Variants in THRB observed in about 807,000 individuals in gnomAD.
The protein encoded by THRB is thyroid hormone receptor beta, also known as nuclear receptor subfamily 1 group A member 2.
In THRB, 12 loss-of-function variants were observed where a neutral mutation model predicts 47.8. That is an observed-to-expected ratio of 0.25 (90% CI 0.16 to 0.41). The LOEUF is 0.41. THRB is among the 10% of genes least tolerant of loss of function. The pLI is 1.00. For missense variants in THRB, 348 were observed against 589.2 expected (o/e 0.59, Z 4.24); for synonymous variants, 218 against 212.2 (o/e 1.03, Z -0.24).
chr3:24,363,348 T>A (rs1472754471), intron 1 of THRB, among the ~76,000 whole-genome samples: 2 of 152,182 alleles, frequency 1.3e-5, no homozygotes, highest in African/African-American at 4.8e-5. Context: ...CTGTTTTTAA[T>A]GTTTCAAATA....
At chr3:24,163,826 T>G (rs955371085) in intron 5 of THRB, among the ~76,000 whole-genome samples, 1 of 152,118 alleles carries the variant, frequency 6.6e-6, no homozygotes, top group Non-Finnish European at 1.5e-5. Flanking sequence ...TAGAATAACA[T>G]TATATATAGT....
chr3:24,164,008 C>G (rs545564783), intron 5 of THRB, among the ~76,000 whole-genome samples: 1 of 152,062 alleles, frequency 6.6e-6, no homozygotes, highest in South Asian at 2.1e-4. Context: ...AGAAATTTAC[C>G]TTTGAGGATC....
intron 4 of THRB, among the ~76,000 whole-genome samples, chr3:24,214,503 G>A (rs1051754417): frequency 2.6e-5 from 4 of 151,772 alleles, no homozygotes; most frequent in Non-Finnish European, 5.9e-5. Flanking sequence ...TAAAAGCTGA[G>A]AGACAAGAAG....
At chr3:24,445,026 A>G (rs2071929964) in intron 1 of THRB, among the ~76,000 whole-genome samples, 1 of 152,170 alleles carries the variant, frequency 6.6e-6, no homozygotes, top group South Asian at 2.1e-4. Flanking sequence ...TACAAATTAT[A>G]ATGGGATATA....
intron 1 of THRB, among the ~76,000 whole-genome samples, chr3:24,371,173 G>A (rs2064877290): frequency 6.6e-6 from 1 of 151,986 alleles, no homozygotes; most frequent in Non-Finnish European, 1.5e-5. Flanking sequence ...ATCTACATTA[G>A]GCAGACATCC....
rs139637993 is a variant in THRB at position 24,451,483 on chromosome 3, C to T, written c.-261+43169G>A. 1.2e-4 allele frequency among the ~76,000 whole-genome samples: 18 copies of T among 152,282 alleles called. No individual in the cohort carries two copies. In the South Asian group the frequency reaches 1.9e-3, roughly 16 times the overall value. ...CATTCCTGACCTCGTGATCCACCCG[C>T]CTCAGCCTCCCAAAGTTCTGGGATT... is the stretch of plus-strand genomic sequence containing the variant. On this transcript the variant is annotated intron_variant, in intron 1 of 10. Coordinates refer to ENST00000646209, the MANE Select transcript of THRB (RefSeq NM_001354712.2).
chr3:24,279,817 C>T (rs1417321997), intron 3 of THRB, among the ~76,000 whole-genome samples: 1 of 152,090 alleles, frequency 6.6e-6, no homozygotes, highest in Non-Finnish European at 1.5e-5. Flanking sequence ...TATTACTCTC[C>T]CTTACTTATC....
At chr3:24,269,493 A>G (rs956223375) in intron 3 of THRB, among the ~76,000 whole-genome samples, 4 of 151,896 alleles carry the variant, frequency 2.6e-5, no homozygotes, top group African/African-American at 7.3e-5. Flanking sequence ...GACACCCATC[A>G]TATCTCACTA....
At chr3:24,485,668 T>C (rs1473206717) in intron 1 of THRB, among the ~76,000 whole-genome samples, 2 of 152,238 alleles carry the variant, frequency 1.3e-5, no homozygotes. Flanking sequence ...TCATTTATAG[T>C]CCTTTGCACA....
At chr3:24,339,095 T>G (rs1415607592) in intron 1 of THRB, among the ~76,000 whole-genome samples, 1 of 152,182 alleles carries the variant, frequency 6.6e-6, no homozygotes, top group Non-Finnish European at 1.5e-5. Context: ...TATACACCAT[T>G]ACCCCTGACA....
chr3:24,285,614 T>C (rs902969484), intron 3 of THRB, among the ~76,000 whole-genome samples: 1 of 151,926 alleles, frequency 6.6e-6, no homozygotes, highest in Non-Finnish European at 1.5e-5. Flanking sequence ...CAATTTCTGA[T>C]GCCATATTAA....
At chr3:24,299,043 C>G (rs556519066) in intron 2 of THRB, among the ~76,000 whole-genome samples, 4 of 151,486 alleles carry the variant, frequency 2.6e-5, no homozygotes, top group Non-Finnish European at 4.4e-5. Flanking sequence ...GTCAGGAGAT[C>G]GAGACCATCC....
rs567014238 is a variant in THRB at position 24,297,903 on chromosome 3, C to T, written c.-188-532G>A. ...GTGTAAGGGCCCGTGCTTTAGACTTCAGAGCAGTGGCTCCTAACTTTTGAA... is the reference window on the plus strand; with the variant it reads ...GTGTAAGGGCCCGTGCTTTAGACTTTAGAGCAGTGGCTCCTAACTTTTGAA... On this transcript the variant is annotated intron_variant, in intron 2 of 10. Coordinates refer to ENST00000646209, the MANE Select transcript of THRB (RefSeq NM_001354712.2). Among the ~76,000 whole-genome samples the T allele has an allele frequency of 3.3e-5, 5 of 152,276 alleles. No homozygotes were observed. The South Asian group carries it at 1.0e-3, about 32-fold the overall frequency.
intron 1 of THRB, among the ~76,000 whole-genome samples, chr3:24,384,169 C>A (rs575523011): frequency 4.8e-4 from 73 of 152,186 alleles, no homozygotes; most frequent in Middle Eastern, 3.4e-3. Context: ...AAATGGGCCT[C>A]AGACTTCTAA....
chr3:24,351,428 C>A (rs904592926), intron 1 of THRB, among the ~76,000 whole-genome samples: 2 of 152,092 alleles, frequency 1.3e-5, no homozygotes, highest in African/African-American at 4.8e-5. Flanking sequence ...TAATGTGTTG[C>A]AACGAAGTTT....
chr3:24,141,410 T>G (rs2035427077), intron 8 of THRB, among the ~76,000 whole-genome samples: 1 of 152,228 alleles, frequency 6.6e-6, no homozygotes, highest in South Asian at 2.1e-4. Context: ...ATGCTTCTTC[T>G]GACCACCATG....
At chr3:24,416,063 A>G (rs561044024) in intron 1 of THRB, among the ~76,000 whole-genome samples, 1 of 152,026 alleles carries the variant, frequency 6.6e-6, no homozygotes, top group Admixed American at 6.6e-5. Context: ...ATTATGTTGT[A>G]TATTCAAGAG....
intron 6 of THRB, among the ~76,000 whole-genome samples, chr3:24,151,113 T>A (rs143057161): frequency 0.024 from 3,628 of 152,160 alleles, 46 homozygotes; most frequent in Middle Eastern, 0.044. Flanking sequence ...ATCAAAGGGG[T>A]CTGGATAAAT....
intron 8 of THRB, among the ~76,000 whole-genome samples, chr3:24,136,707 G>T (rs1240588728): frequency 6.6e-6 from 1 of 152,184 alleles, no homozygotes; most frequent in Admixed American, 6.5e-5. Context: ...ATTCACCACT[G>T]TAGACCTGTG....
Sources: gnomAD v4.1 joint callset for allele counts (sites outside exome capture counted in the v4.1 genomes callset) on GRCh38, gnomAD v4.1.1 for gene constraint, MANE v1.5 for transcripts, NCBI Gene and HGNC (gene_info 2026-07-23, HGNC 2026-07-21) for gene names.